B3GLCT: variants seen among roughly 807,000 people sequenced by gnomAD.
The protein encoded by B3GLCT is beta 3-glucosyltransferase.
In B3GLCT, 65 loss-of-function variants were observed where a neutral mutation model predicts 63.4. The ratio of observed to expected loss-of-function variants is 1.03; its 90% CI spans 0.84 to 1.26. The LOEUF is 1.26. B3GLCT is among the 50% of genes most tolerant of loss of function. The pLI, the probability that B3GLCT is intolerant of heterozygous loss-of-function variation, is 0.00. For missense variants in B3GLCT, 577 were observed against 604.8 expected, an observed-to-expected ratio of 0.95 and a Z score of 0.48; for synonymous variants, 233 against 219.2, an observed-to-expected ratio of 1.06 and a Z score of -0.55.
At chr13:31,243,911 T>C (rs926927843) in intron 4 of B3GLCT, among the ~76,000 whole-genome samples, 3 of 152,262 alleles carry the variant, frequency 2.0e-5, no homozygotes, top group African/African-American at 7.2e-5. Context: ...TCTTTCCCTT[T>C]TCTGTCATTT....
intron 3 of B3GLCT, among the ~76,000 whole-genome samples, chr13:31,226,176 G>T (rs1379863923): frequency 1.3e-5 from 2 of 152,188 alleles, no homozygotes; most frequent in African/African-American, 4.8e-5. Context: ...CCAGTGCCCT[G>T]TGCTCAGTTA....
intron 8 of B3GLCT, among the ~76,000 whole-genome samples, chr13:31,273,798 C>T (rs1402608482): frequency 1.3e-5 from 2 of 152,176 alleles, no homozygotes; most frequent in African/African-American, 4.8e-5. Context: ...ACAGGTGGCA[C>T]AAATTAGGGA....
chr13:31,284,168 T>C (rs1873202624), intron 10 of B3GLCT, among the ~76,000 whole-genome samples: 1 of 152,212 alleles, frequency 6.6e-6, no homozygotes, highest in African/African-American at 2.4e-5. Flanking sequence ...AACATCGTAA[T>C]ATCAGTCATC....
intron 12 of B3GLCT, among the ~76,000 whole-genome samples, chr13:31,295,859 G>A (rs1471380854): frequency 6.6e-6 from 1 of 152,166 alleles, no homozygotes; most frequent in African/African-American, 2.4e-5. Context: ...CACCACTGGG[G>A]TATAAAAAAA....
intron 6 of B3GLCT, among the ~76,000 whole-genome samples, chr13:31,259,019 A>G (rs986159198): frequency 1.3e-5 from 2 of 151,626 alleles, no homozygotes; most frequent in African/African-American, 4.9e-5. Context: ...TGCTTTCCAG[A>G]CTGTTAGTCT....
intron 1 of B3GLCT, among the ~76,000 whole-genome samples, chr13:31,201,738 G>GT (rs1485597098): frequency 3.3e-5 from 5 of 152,144 alleles, no homozygotes; most frequent in Admixed American, 1.3e-4. Context: ...TTGTATTGCT[G>GT]TGTCTATTTT....
At chr13:31,234,308 C>G (rs146044589) in intron 4 of B3GLCT, among the ~76,000 whole-genome samples, 293 of 152,228 alleles carry the variant, frequency 1.9e-3, no homozygotes, top group African/African-American at 6.8e-3. Flanking sequence ...GCATGAGCCA[C>G]TGTGCCTGGC....
At chr13:31,213,081 G>A (rs976797062) in intron 1 of B3GLCT, among the ~76,000 whole-genome samples, 1 of 142,928 alleles carries the variant, frequency 7.0e-6, no homozygotes, top group Non-Finnish European at 1.6e-5. Context: ...GTGAGAAAAT[G>A]CATTAGATCC....
chr13:31,223,450 C>T (rs1449166031), intron 3 of B3GLCT, among the ~76,000 whole-genome samples: 1 of 152,194 alleles, frequency 6.6e-6, no homozygotes, highest in Non-Finnish European at 1.5e-5. Context: ...GGAGTCAGCT[C>T]ACCAGTCACG....
At chr13:31,263,417 C>T (rs1872139742) in intron 7 of B3GLCT, among the ~76,000 whole-genome samples, 2 of 152,144 alleles carry the variant, frequency 1.3e-5, no homozygotes, top group African/African-American at 4.8e-5. Context: ...CTATATAGGG[C>T]AGTTCAACCT....
chr13:31,215,662 C>G (rs1411136305), intron 2 of B3GLCT, among the ~76,000 whole-genome samples: 1 of 152,138 alleles, frequency 6.6e-6, no homozygotes, highest in Admixed American at 6.5e-5. Context: ...GATCCACCCA[C>G]CTCAGCCTCC....
intron 12 of B3GLCT, 94 bp from the exon 13 acceptor site, chr13:31,317,472 C>A: frequency 7.1e-7 from 1 of 1,406,810 alleles, no homozygotes; most frequent in Non-Finnish European, 1.0e-6. Context: ...TTTAGTATTA[C>A]ACAGTATACA....
chr13:31,308,362 A>AAAACAAAAC (rs1555254600), intron 12 of B3GLCT, among the ~76,000 whole-genome samples: 23,279 of 62,600 alleles, frequency 0.37, 4,226 homozygotes, highest in East Asian at 0.54. Context: ...AAAAAAAAAC[A>AAAACAAAAC]AAAAAAAAAG....
chr13:31,285,341 A>G (rs1873266778), intron 11 of B3GLCT, among the ~76,000 whole-genome samples: 2 of 151,910 alleles, frequency 1.3e-5, no homozygotes, highest in African/African-American at 2.4e-5. Context: ...AGGGATGAGA[A>G]ATTACCCACT....
rs1424923743 is a variant in B3GLCT, at chr13:31,329,920, G to A, written c.*252G>A. ...TGTTTTAACACTTAGTGATGACTGT[G>A]TATTCTCCAAGCTGTGATACAGCAG... On this transcript the variant is annotated 3_prime_UTR_variant, in exon 15 of 15. Coordinates refer to ENST00000343307, the MANE Select transcript of B3GLCT (RefSeq NM_194318.4). The A allele has an allele frequency of 1.2e-5, 6 of 499,038 alleles. No individual in the cohort carries two copies. Among genetic ancestry groups the A allele is most frequent in the South Asian group, 8.5e-5 (4 of 47,186 alleles). 30.9% of individuals were successfully genotyped at this position (499,038 alleles called of 1,614,324 possible). A position where few individuals can be genotyped will look rare whatever the true frequency, so the allele number is the denominator to read the frequency against.
At chr13:31,270,487 C>T (rs1406677657) in intron 8 of B3GLCT, among the ~76,000 whole-genome samples, 1 of 152,152 alleles carries the variant, frequency 6.6e-6, no homozygotes, top group Non-Finnish European at 1.5e-5. Flanking sequence ...GCTCTAGATA[C>T]TTAGGTTTGG....
intron 12 of B3GLCT, among the ~76,000 whole-genome samples, chr13:31,299,700 T>A (rs1195712901): frequency 6.6e-6 from 1 of 152,146 alleles, no homozygotes; most frequent in Non-Finnish European, 1.5e-5. Flanking sequence ...ATCCACTAAT[T>A]TCATGGATCC....
Position 31,228,681 on chromosome 13 carries a change from A to T in B3GLCT, c.161-504A>T, listed in dbSNP as rs139459714. Among the ~76,000 whole-genome samples, 64 of 152,304 alleles carry T rather than the reference A, an allele frequency of 4.2e-4. 1 individual carries two copies. The highest frequency in any genetic ancestry group is 1.5e-3 in the African/African-American group (64 of 41,562). ...AGGTTCACCCTGATGACCTCGCTTT[A>T]ACTTGATTACCTCTGTGAAGACCCA... On this transcript the variant is annotated intron_variant, in intron 3 of 14. Transcript: ENST00000343307.
intron 12 of B3GLCT, among the ~76,000 whole-genome samples, chr13:31,299,262 A>C (rs896487570): frequency 6.6e-6 from 1 of 152,194 alleles, no homozygotes; most frequent in Non-Finnish European, 1.5e-5. Context: ...CTATTCATCT[A>C]TCAAACTATG....
Sources: allele counts gnomAD v4.1 joint callset (sites outside exome capture counted in the v4.1 genomes callset), GRCh38; gene constraint gnomAD v4.1.1; transcripts MANE v1.5; gene names NCBI Gene and HGNC (gene_info 2026-07-23, HGNC 2026-07-21).